The following LRRTM4 variants were observed in gnomAD, a reference collection of about 807,000 sequenced individuals.
LRRTM4 encodes leucine rich repeat transmembrane neuronal 4, also known as leucine-rich repeat transmembrane neuronal protein 4.
LRRTM4 carries 25 observed loss-of-function variants against 47.6 expected under a neutral mutation model. That is an observed-to-expected ratio of 0.53 (90% CI 0.38 to 0.73). The LOEUF is 0.73. LRRTM4 is among the 30% of genes least tolerant of loss of function. The pLI, the probability that LRRTM4 is intolerant of heterozygous loss-of-function variation, is 0.00. For synonymous variants in LRRTM4, 311 were observed against 269.5 expected, an observed-to-expected ratio of 1.15 and a Z score of -1.51; for missense variants, 638 against 713.4, an observed-to-expected ratio of 0.89 and a Z score of 1.20.
chr2:77,504,313 A>G (rs1420022344), intron 3 of LRRTM4, among the ~76,000 whole-genome samples: 1 of 151,570 alleles, frequency 6.6e-6, no homozygotes, highest in Admixed American at 6.6e-5. Flanking sequence ...CATCGACCAT[A>G]TGGCCCATAA....
At chr2:77,101,251 G>T (rs1298897444) in intron 3 of LRRTM4, among the ~76,000 whole-genome samples, 1 of 152,004 alleles carries the variant, frequency 6.6e-6, no homozygotes, top group Non-Finnish European at 1.5e-5. Context: ...TAATTTATAG[G>T]GTTGGTAAAT....
At chr2:77,426,910 T>A (rs1307274807) in intron 3 of LRRTM4, among the ~76,000 whole-genome samples, 5 of 151,578 alleles carry the variant, frequency 3.3e-5, no homozygotes, top group Admixed American at 6.6e-5. Flanking sequence ...AATGCATATT[T>A]TCTTATAAGG....
At chr2:77,247,001 C>T (rs951999041) in intron 3 of LRRTM4, among the ~76,000 whole-genome samples, 1 of 151,826 alleles carries the variant, frequency 6.6e-6, no homozygotes, top group African/African-American at 2.4e-5. Context: ...TATATTTACA[C>T]CCATAAATTA....
intron 3 of LRRTM4, among the ~76,000 whole-genome samples, chr2:77,459,250 T>C (rs1056434867): frequency 2.6e-5 from 4 of 152,104 alleles, no homozygotes; most frequent in Non-Finnish European, 5.9e-5. Context: ...TACTTAACTT[T>C]TGTTATTGTG....
At chr2:76,958,483 T>A (rs998963330) in intron 3 of LRRTM4, among the ~76,000 whole-genome samples, 3 of 151,802 alleles carry the variant, frequency 2.0e-5, no homozygotes, top group Admixed American at 2.0e-4. Context: ...AGAACCCTTT[T>A]AAATTTTTGG....
rs1573221120 is a variant in LRRTM4, at chr2:77,302,926, T to C, written c.1551+215392A>G. On this transcript the variant is annotated intron_variant, in intron 3 of 3. Transcript: ENST00000409884. Reference sequence around the variant, plus strand: ...ATTTTGCATGGCATGGGTGGGAGGGTAAAAGAGGAATACAACTTAGCAAAG... The same window carrying C: ...ATTTTGCATGGCATGGGTGGGAGGGCAAAAGAGGAATACAACTTAGCAAAG... Among the ~76,000 whole-genome samples the C allele has an allele frequency of 2.0e-5, 3 of 152,048 alleles. No homozygotes were observed. In the South Asian group the frequency reaches 6.2e-4, roughly 32 times the overall value.
intron 3 of LRRTM4, among the ~76,000 whole-genome samples, chr2:77,097,797 C>T (rs1055376311): frequency 3.3e-5 from 5 of 151,336 alleles, no homozygotes; most frequent in Non-Finnish European, 7.4e-5. Flanking sequence ...CAATGTGACA[C>T]AAAAATGTAA....
At chr2:77,063,127 G>C (rs565568440) in intron 3 of LRRTM4, among the ~76,000 whole-genome samples, 3 of 131,560 alleles carry the variant, frequency 2.3e-5, no homozygotes, top group South Asian at 2.2e-4. Flanking sequence ...GCTAATCTTT[G>C]TATTTTTTTT....
intron 3 of LRRTM4, among the ~76,000 whole-genome samples, chr2:77,177,598 T>G (rs1349687639): frequency 6.6e-6 from 1 of 152,314 alleles, no homozygotes; most frequent in South Asian, 2.1e-4. Context: ...CCCATAGTCA[T>G]GAAGAGGTGG....
intron 3 of LRRTM4, among the ~76,000 whole-genome samples, chr2:77,454,526 A>G (rs949826115): frequency 8.5e-5 from 13 of 152,074 alleles, no homozygotes; most frequent in African/African-American, 3.1e-4. Context: ...ATAGAAACAA[A>G]TTTACAAATG....
At chr2:77,509,941 C>A (rs542433529) in intron 3 of LRRTM4, among the ~76,000 whole-genome samples, 1 of 152,194 alleles carries the variant, frequency 6.6e-6, no homozygotes, top group South Asian at 2.1e-4. Context: ...TGACCATCAA[C>A]CTAAAGTACT....
intron 3 of LRRTM4, among the ~76,000 whole-genome samples, chr2:76,792,843 G>A (rs1573111978): frequency 6.6e-6 from 1 of 152,154 alleles, no homozygotes; most frequent in East Asian, 1.9e-4. Flanking sequence ...CACATTCAAA[G>A]CAGTAAACTG....
chr2:76,876,960 A>G (rs1004527871), intron 3 of LRRTM4, among the ~76,000 whole-genome samples: 7 of 152,064 alleles, frequency 4.6e-5, no homozygotes, highest in Non-Finnish European at 1.0e-4. Flanking sequence ...GGTTTTCCAA[A>G]TTTTAAAATA....
At chr2:77,360,019 T>G (rs1289488815) in intron 3 of LRRTM4, among the ~76,000 whole-genome samples, 1 of 152,204 alleles carries the variant, frequency 6.6e-6, no homozygotes, top group Non-Finnish European at 1.5e-5. Flanking sequence ...TTAAAAAAAG[T>G]ATATTTGTTA....
chr2:77,035,331 G>T (rs929601268), intron 3 of LRRTM4, among the ~76,000 whole-genome samples: 1 of 151,370 alleles, frequency 6.6e-6, no homozygotes, highest in Non-Finnish European at 1.5e-5. Flanking sequence ...TTCCCCCGAT[G>T]ATAATATCTT....
At chr2:76,782,256 T>C (rs767175947) in intron 3 of LRRTM4, among the ~76,000 whole-genome samples, 4 of 152,230 alleles carry the variant, frequency 2.6e-5, no homozygotes, top group Non-Finnish European at 1.5e-5. Context: ...TTTACAGTGG[T>C]CCTTACACTG....
At chr2:77,091,242 T>C (rs930064451) in intron 3 of LRRTM4, among the ~76,000 whole-genome samples, 8 of 149,360 alleles carry the variant, frequency 5.4e-5, no homozygotes, top group African/African-American at 7.5e-5. Context: ...GTCCTCCTCT[T>C]GTATCCCCCC....
intron 3 of LRRTM4, among the ~76,000 whole-genome samples, chr2:76,798,742 G>C (rs1297290343): frequency 6.0e-5 from 9 of 150,924 alleles, no homozygotes; most frequent in East Asian, 1.9e-4. Context: ...GAATCAAATA[G>C]ATGCAATAAA....
intron 3 of LRRTM4, among the ~76,000 whole-genome samples, chr2:77,060,631 A>C (rs1455522892): frequency 6.6e-6 from 1 of 152,164 alleles, no homozygotes; most frequent in African/African-American, 2.4e-5. Context: ...TATTAAGGGA[A>C]TATCTATATA....
Sources: allele counts gnomAD v4.1 joint callset (sites outside exome capture counted in the v4.1 genomes callset), GRCh38; gene constraint gnomAD v4.1.1; transcripts MANE v1.5; gene names NCBI Gene and HGNC (gene_info 2026-07-23, HGNC 2026-07-21).